Variants in POLR3G observed in about 807,000 individuals in gnomAD.
POLR3G encodes DNA-directed RNA polymerase III subunit RPC7.
In POLR3G, 28 loss-of-function variants were observed where a neutral mutation model predicts 30.1. The ratio of observed to expected loss-of-function variants is 0.93; its 90% CI spans 0.69 to 1.27. The LOEUF is 1.27. Ranked by LOEUF, POLR3G falls within the 50% of genes most tolerant of loss-of-function variation. The pLI is 0.00. For missense variants in POLR3G, 254 were observed against 264.6 expected, an observed-to-expected ratio of 0.96 and a Z score of 0.28; for synonymous variants, 79 against 82.5, an observed-to-expected ratio of 0.96 and a Z score of 0.23.
intron 6 of POLR3G, among the ~76,000 whole-genome samples, chr5:90,502,753 A>G (rs1420385590): frequency 6.6e-6 from 1 of 150,406 alleles, no homozygotes; most frequent in Non-Finnish European, 1.5e-5. Context: ...CACTTAACTG[A>G]ATACCTTGGA....
chr5:90,511,741 T>C (rs1165246072), intron 7 of POLR3G, among the ~76,000 whole-genome samples: 2 of 152,180 alleles, frequency 1.3e-5, no homozygotes, highest in African/African-American at 4.8e-5. Flanking sequence ...TTTTTTCTTG[T>C]CTGTGCATTT....
chr5:90,509,976 T>C (rs928164227), intron 7 of POLR3G, among the ~76,000 whole-genome samples: 1 of 152,218 alleles, frequency 6.6e-6, no homozygotes, highest in Non-Finnish European at 1.5e-5. Context: ...ATTTGAAAGC[T>C]TATTGCTGTA....
chr5:90,482,208 T>C (rs1751157980), intron 1 of POLR3G, among the ~76,000 whole-genome samples: 1 of 152,174 alleles, frequency 6.6e-6, no homozygotes, highest in Admixed American at 6.5e-5. Flanking sequence ...AAGGGAGGGA[T>C]TGAAACCAAC....
At position 90,506,528 on chromosome 5, in the gene POLR3G, G is replaced by T. The variant is rs757619271; in HGVS notation, c.439G>T (p.Glu147Ter). The T allele has an allele frequency of 2.0e-5, 33 of 1,611,636 alleles. 1 individual carries two copies. Among genetic ancestry groups the T allele is most frequent in the Non-Finnish European group, 2.8e-5 (33 of 1,179,238 alleles). ...AATTAATGAAACTCACTTATACCAGGAATTGGAAAAAAGAGGTGATGGTGA... is the reference window on the plus strand; with the variant it reads ...AATTAATGAAACTCACTTATACCAGTAATTGGAAAAAAGAGGTGATGGTGA... ...NTEDVLKKMEELEKRGDGEKS... is the reference protein window; with the variant it reads ...NTEDVLKKME The change falls in exon 7 of 8, where the codon GAA (glutamate) becomes TAA (stop). Residue 147 changes from glutamate to a stop codon, truncating the protein, a stop_gained and splice_region_variant. Coordinates refer to ENST00000651687, the MANE Select transcript of POLR3G (RefSeq NM_006467.3). LOFTEE classifies it high-confidence loss of function.
chr5:90,494,789 C>T (rs1046361667), intron 3 of POLR3G, among the ~76,000 whole-genome samples: 1 of 151,772 alleles, frequency 6.6e-6, no homozygotes, highest in Non-Finnish European at 1.5e-5. Context: ...TATTTATTCT[C>T]TGTATTTCAT....
Position 90,495,541 on chromosome 5 carries a change from A to G in POLR3G, c.248-136A>G, listed in dbSNP as rs73771275. On this transcript the variant is annotated intron_variant, in intron 3 of 7. Coordinates refer to ENST00000651687, the MANE Select transcript of POLR3G (RefSeq NM_006467.3). ...CCCCTACCCTTTTTCCCATTCTCTT[A>G]TGTACAAAGGTGGGAAACTCCCTGT... is the stretch of plus-strand genomic sequence containing the variant. The G allele has an allele frequency of 5.9e-3, 8,274 of 1,402,106 alleles. 400 individuals are homozygous for G. The African/African-American group carries it at 0.11, about 18-fold the overall frequency. 86.9% of individuals were successfully genotyped at this position (1,402,106 alleles called of 1,614,324 possible).
chr5:90,499,415 A>G (rs1476529913), intron 5 of POLR3G, among the ~76,000 whole-genome samples: 2 of 152,214 alleles, frequency 1.3e-5, no homozygotes, highest in Non-Finnish European at 2.9e-5. Flanking sequence ...CTAAGAGGTC[A>G]GATAGGACGA....
chr5:90,487,378 A>ATTTTTTTTT (rs59951999), intron 2 of POLR3G, among the ~76,000 whole-genome samples: 18 of 57,028 alleles, frequency 3.2e-4, no homozygotes, highest in African/African-American at 7.9e-4. Context: ...TGGTACATTA[A>ATTTTTTTTT]TTTTTTTTTT....
chr5:90,496,214 C>T (rs912952341), intron 4 of POLR3G, among the ~76,000 whole-genome samples: 18 of 152,042 alleles, frequency 1.2e-4, no homozygotes, highest in Non-Finnish European at 2.4e-4. Context: ...ATGATCCGCC[C>T]GCCTCAGCCT....
At chr5:90,495,484 C>A (rs1751936799) in intron 3 of POLR3G, among the ~76,000 whole-genome samples, 193 bp from the exon 4 acceptor site, 1 of 152,212 alleles carries the variant, frequency 6.6e-6, no homozygotes, top group African/African-American at 2.4e-5. Flanking sequence ...TGCCTCAGAT[C>A]AGTAACCCCT....
chr5:90,490,720 C>A, intron 3 of POLR3G: 1 of 325,492 alleles, frequency 3.1e-6, no homozygotes, highest in Non-Finnish European at 6.1e-6. Context: ...ACCTCTGTTT[C>A]CTGATATAGT....
chr5:90,498,722 G>A (rs952863656), intron 5 of POLR3G, among the ~76,000 whole-genome samples: 5 of 152,168 alleles, frequency 3.3e-5, no homozygotes, highest in African/African-American at 9.7e-5. Flanking sequence ...GGAGCTTTAT[G>A]TTGTATAGAA....
intron 1 of POLR3G, among the ~76,000 whole-genome samples, chr5:90,480,154 G>A (rs750054182): frequency 3.9e-5 from 6 of 152,154 alleles, no homozygotes; most frequent in Non-Finnish European, 7.4e-5. Flanking sequence ...AGAAACATTT[G>A]GAGCATGAGG....
At chr5:90,476,382 T>A (rs996471761) in intron 1 of POLR3G, among the ~76,000 whole-genome samples, 1 of 152,192 alleles carries the variant, frequency 6.6e-6, no homozygotes, top group African/African-American at 2.4e-5. Flanking sequence ...TGTACACAAT[T>A]ACTTGCAAAA....
chr5:90,498,052 A>G (rs1752072576), intron 5 of POLR3G, among the ~76,000 whole-genome samples: 1 of 152,144 alleles, frequency 6.6e-6, no homozygotes. Context: ...AGAGGCTGCA[A>G]TTAGCCTAAA....
intron 3 of POLR3G, among the ~76,000 whole-genome samples, chr5:90,488,539 A>AT (rs758782668): frequency 1.3e-5 from 2 of 152,234 alleles, no homozygotes; most frequent in Non-Finnish European, 2.9e-5. Context: ...GCATTTTCAC[A>AT]TATCCTTATT....
chr5:90,501,404 A>C (rs1580214733), intron 5 of POLR3G, among the ~76,000 whole-genome samples: 2 of 152,210 alleles, frequency 1.3e-5, no homozygotes, highest in East Asian at 3.8e-4. Flanking sequence ...GATACCAGTC[A>C]TGTCCTAGAG....
intron 7 of POLR3G, among the ~76,000 whole-genome samples, chr5:90,510,102 G>A (rs1345886762): frequency 7.2e-5 from 11 of 152,146 alleles, no homozygotes; most frequent in Non-Finnish European, 1.6e-4. Flanking sequence ...TAGTTTGTGT[G>A]GTCAATACTC....
At chr5:90,501,020 G>C (rs977054516) in intron 5 of POLR3G, among the ~76,000 whole-genome samples, 5 of 151,770 alleles carry the variant, frequency 3.3e-5, no homozygotes, top group Admixed American at 6.6e-5. Context: ...CAATATTTTT[G>C]ATAGGAGTAA....
Sources: allele counts gnomAD v4.1 joint callset (sites outside exome capture counted in the v4.1 genomes callset), GRCh38; gene constraint gnomAD v4.1.1; transcripts MANE v1.5; gene names NCBI Gene and HGNC (gene_info 2026-07-23, HGNC 2026-07-21).